Variants in CDH10 observed in about 807,000 individuals in gnomAD.
CDH10 encodes the protein cadherin 10.
CDH10 carries 30 observed loss-of-function variants against 73.1 expected under a neutral mutation model. The ratio of observed to expected loss-of-function variants is 0.41; its 90% CI spans 0.31 to 0.56. CDH10 has a LOEUF of 0.56. Among genes scored for constraint, CDH10 ranks in the 20% least tolerant of loss-of-function variants. CDH10 has a pLI of 0.27. For synonymous variants in CDH10, 345 were observed against 348.2 expected (o/e 0.99, Z 0.10); for missense variants, 815 against 973.7 (o/e 0.84, Z 2.17).
chr5:24,555,271 T>A (rs1220859305), intron 2 of CDH10, among the ~76,000 whole-genome samples: 1 of 152,152 alleles, frequency 6.6e-6, no homozygotes, highest in Non-Finnish European at 1.5e-5. Flanking sequence ...TTGCAAAAGT[T>A]TCATTAGAGG....
intron 7 of CDH10, among the ~76,000 whole-genome samples, chr5:24,505,526 T>C (rs993863055): frequency 6.6e-6 from 1 of 152,236 alleles, no homozygotes; most frequent in African/African-American, 2.4e-5. Flanking sequence ...GACTTTGATA[T>C]ATTTGGTCAC....
chr5:24,559,652 G>C (rs1475057878), intron 2 of CDH10, among the ~76,000 whole-genome samples: 2 of 151,946 alleles, frequency 1.3e-5, no homozygotes, highest in South Asian at 2.1e-4. Context: ...CACAACTGAT[G>C]AGTCTGCATG....
chr5:24,524,512 T>C (rs565613483), intron 5 of CDH10, among the ~76,000 whole-genome samples: 1 of 152,160 alleles, frequency 6.6e-6, no homozygotes, highest in Non-Finnish European at 1.5e-5. Context: ...TATCTTACAG[T>C]GATGAAGCTT....
chr5:24,622,627 CAG>C (rs1747355206), intron 1 of CDH10, among the ~76,000 whole-genome samples: 2 of 152,120 alleles, frequency 1.3e-5, no homozygotes, highest in Admixed American at 1.3e-4. Flanking sequence ...CTTTTGAATA[CAG>C]ACTCTAACTC....
rs572190828 is a variant in CDH10, at chr5:24,523,829, G to T, written c.814+11283C>A. Among the ~76,000 whole-genome samples, 42 of 152,088 alleles carry T rather than the reference G, an allele frequency of 2.8e-4. 2 individuals are homozygous for T. In the East Asian group the frequency reaches 8.1e-3, roughly 29 times the overall value. On this transcript the variant is annotated intron_variant, in intron 5 of 11. Coordinates refer to ENST00000264463, the MANE Select transcript of CDH10 (RefSeq NM_006727.5). Reference sequence around the variant, plus strand: ...TTTTTACTACTTTCAAGACTTAAACGGGAAAGTGATCATGCTCCACTGTTT... The same window carrying T: ...TTTTTACTACTTTCAAGACTTAAACTGGAAAGTGATCATGCTCCACTGTTT...
intron 5 of CDH10, among the ~76,000 whole-genome samples, chr5:24,531,074 C>T (rs2111858658): frequency 6.6e-6 from 1 of 152,162 alleles, no homozygotes. Context: ...CAATTTCCAA[C>T]CTCAGGATTT....
At chr5:24,571,547 T>C (rs1489563348) in intron 2 of CDH10, among the ~76,000 whole-genome samples, 4 of 152,094 alleles carry the variant, frequency 2.6e-5, no homozygotes, top group African/African-American at 7.2e-5. Context: ...AAATTTTATA[T>C]TGGCCATGAG....
At chr5:24,495,556 T>C (rs896217349) in intron 9 of CDH10, among the ~76,000 whole-genome samples, 3 of 152,074 alleles carry the variant, frequency 2.0e-5, no homozygotes, top group Non-Finnish European at 4.4e-5. Context: ...GCTAGTAAAA[T>C]GCACCCTTTT....
intron 1 of CDH10, among the ~76,000 whole-genome samples, chr5:24,623,356 G>A (rs995470206): frequency 6.6e-6 from 1 of 152,108 alleles, no homozygotes; most frequent in African/African-American, 2.4e-5. Flanking sequence ...GAGGAAAAAG[G>A]GTAATAACAA....
At chr5:24,520,508 G>A (rs763573158) in intron 5 of CDH10, among the ~76,000 whole-genome samples, 18 of 151,960 alleles carry the variant, frequency 1.2e-4, no homozygotes, top group Non-Finnish European at 2.4e-4. Flanking sequence ...CCCCAACTCC[G>A]TCCCTTTCTA....
At chr5:24,566,112 G>A (rs961902523) in intron 2 of CDH10, among the ~76,000 whole-genome samples, 3 of 152,042 alleles carry the variant, frequency 2.0e-5, no homozygotes, top group South Asian at 2.1e-4. Context: ...GGAGTGGTGC[G>A]ATTTCAGCTC....
At position 24,638,563 on chromosome 5, in the gene CDH10, A is replaced by G. The variant is rs543220518; in HGVS notation, c.-124+6031T>C. Among the ~76,000 whole-genome samples, 19 of 151,918 alleles carry G rather than the reference A, an allele frequency of 1.3e-4. No homozygotes were observed. The South Asian group carries it at 3.7e-3, about 30-fold the overall frequency. ...TGGTTGAGGGGGTAGATAAATAAAG[A>G]TTTTCTGTAAGTTTCTACTCATGGA... On this transcript the variant is annotated intron_variant, in intron 1 of 11. Transcript: ENST00000264463.
chr5:24,588,264 T>C (rs1033658123), intron 2 of CDH10, among the ~76,000 whole-genome samples: 1 of 152,210 alleles, frequency 6.6e-6, no homozygotes, highest in Admixed American at 6.5e-5. Flanking sequence ...CATGTCCTAT[T>C]CATTATATGG....
chr5:24,526,817 G>A (rs192086375), intron 5 of CDH10, among the ~76,000 whole-genome samples: 15 of 151,826 alleles, frequency 9.9e-5, no homozygotes, highest in Middle Eastern at 6.8e-3. Context: ...AATATATGCA[G>A]CATTTTATCT....
At position 24,488,164 on chromosome 5, in the gene CDH10, G is replaced by T. The variant is rs766454620; in HGVS notation, c.1877-11C>A. Reference sequence around the variant, plus strand: ...ACAGTACTACTATAACTTGAAAAAAGACAAGAAGATACATTAGACGTCCGT... The same window carrying T: ...ACAGTACTACTATAACTTGAAAAAATACAAGAAGATACATTAGACGTCCGT... On this transcript the variant is annotated splice_polypyrimidine_tract_variant and intron_variant, in intron 11 of 11. Transcript: ENST00000264463. The T allele has an allele frequency of 7.6e-6, 12 of 1,587,862 alleles. No individual in the cohort carries two copies. The highest frequency in any genetic ancestry group is 8.5e-6 in the Non-Finnish European group (10 of 1,169,610).
At chr5:24,492,394 A>T (rs1742091824) in intron 10 of CDH10, among the ~76,000 whole-genome samples, 1 of 152,182 alleles carries the variant, frequency 6.6e-6, no homozygotes, top group South Asian at 2.1e-4. Context: ...CTTCGTACTG[A>T]ATCACCTCAC....
intron 2 of CDH10, among the ~76,000 whole-genome samples, chr5:24,544,359 A>T (rs1744264731): frequency 6.6e-6 from 1 of 152,136 alleles, no homozygotes; most frequent in South Asian, 2.1e-4. Flanking sequence ...GATTATAAAA[A>T]CAACTATAAT....
At chr5:24,570,625 G>A (rs966154336) in intron 2 of CDH10, among the ~76,000 whole-genome samples, 1 of 151,320 alleles carries the variant, frequency 6.6e-6, no homozygotes, top group Non-Finnish European at 1.5e-5. Context: ...TACTCAAAAT[G>A]TACACTGCTT....
At chr5:24,515,378 T>C (rs1270157329) in intron 5 of CDH10, among the ~76,000 whole-genome samples, 2 of 152,182 alleles carry the variant, frequency 1.3e-5, no homozygotes, top group African/African-American at 4.8e-5. Context: ...GTGGGGCTCC[T>C]ATCATAACTC....
Sources: allele counts gnomAD v4.1 joint callset (sites outside exome capture counted in the v4.1 genomes callset), GRCh38; gene constraint gnomAD v4.1.1; transcripts MANE v1.5; gene names NCBI Gene and HGNC (gene_info 2026-07-23, HGNC 2026-07-21).